The following ABLIM2 variants were observed in gnomAD, a reference collection of about 807,000 sequenced individuals.
ABLIM2 encodes the protein actin binding LIM protein family member 2, also known as actin-binding LIM protein 2.
A neutral mutation model predicts 97.7 loss-of-function variants in ABLIM2; 53 were observed. The ratio of observed to expected loss-of-function variants is 0.54; its 90% CI spans 0.44 to 0.68. The LOEUF is 0.68. Among genes scored for constraint, ABLIM2 ranks in the 30% least tolerant of loss-of-function variants. ABLIM2 has a pLI of 0.00. For synonymous variants in ABLIM2, 361 were observed against 345.8 expected (o/e 1.04, Z -0.49); for missense variants, 835 against 867.2 (o/e 0.96, Z 0.47).
At chr4:8,110,148 A>G (rs767806818) in intron 1 of ABLIM2, among the ~76,000 whole-genome samples, 1 of 152,262 alleles carries the variant, frequency 6.6e-6, no homozygotes, top group Non-Finnish European at 1.5e-5. Context: ...TGATGCACCC[A>G]GTCCACATCT....
rs138772322 is a variant in ABLIM2, at chr4:8,083,022, A to C, written c.455-2220T>G. Among the ~76,000 whole-genome samples the C allele has an allele frequency of 3.9e-3, 592 of 152,170 alleles. 3 individuals are homozygous for C. The highest frequency in any genetic ancestry group is 0.012 in the African/African-American group (519 of 41,522). The stretch of plus-strand genomic sequence containing the variant: ...GACCCTTTTGATTGTCATAACTTGG[A>C]GGGGGTTCCAGGCATCTAGTGGGCA... On this transcript the variant is annotated intron_variant, in intron 4 of 20. Coordinates refer to ENST00000447017, the MANE Select transcript of ABLIM2 (RefSeq NM_001130083.2). The surrounding 1 kb of genome is among the most constrained non-coding windows in gnomAD (Gnocchi z 4.6).
In ABLIM2 at chr4:8,139,161, C is replaced by T. The variant is rs183924590; in HGVS notation, c.10+19519G>A. Among the ~76,000 whole-genome samples, 347 of 150,694 alleles carry T rather than the reference C, an allele frequency of 2.3e-3. 1 individual carries two copies. Among genetic ancestry groups the T allele is most frequent in the Non-Finnish European group, 4.0e-3 (274 of 67,838 alleles). Reference sequence around the variant, plus strand: ...GCAGGGAGCCGAGATTGCACCATTACGCTCCAGCCTGGGCAACAACAGTGA... The same window carrying T: ...GCAGGGAGCCGAGATTGCACCATTATGCTCCAGCCTGGGCAACAACAGTGA... On this transcript the variant is annotated intron_variant, in intron 1 of 20. Transcript: ENST00000447017.
At chr4:8,018,659 A>G (rs548844569) in intron 14 of ABLIM2, among the ~76,000 whole-genome samples, 3 of 152,368 alleles carry the variant, frequency 2.0e-5, no homozygotes, top group African/African-American at 7.2e-5. Flanking sequence ...ATTTGTCAGC[A>G]AGTCACAGGA....
In ABLIM2 at chr4:8,075,947, C is replaced by T. The variant is rs1815731299; in HGVS notation, c.675+1681G>A. On this transcript the variant is annotated intron_variant, in intron 6 of 20. Transcript: ENST00000447017. This position sits in a 1 kb window ranked among gnomAD's most constrained non-coding sequence, Gnocchi z 4.4. ...GAAAGAAAAAACGAAAGAAAACTGG[C>T]CAGAAAGTTAGGCTAACTATGATTG... 6.6e-6 allele frequency among the ~76,000 whole-genome samples: 1 copy of T among 152,174 alleles called. No homozygotes were observed. Among genetic ancestry groups the T allele is most frequent in the Admixed American group, 6.5e-5 (1 of 15,270 alleles).
chr4:8,045,100 C>A (rs1204269254), intron 9 of ABLIM2, 64 bp downstream of exon 9: 3 of 1,484,934 alleles, frequency 2.0e-6, no homozygotes, highest in Admixed American at 1.7e-5. Flanking sequence ...TTAGCCACGG[C>A]CACCGGGCCC....
chr4:7,989,150 C>A (rs1746748703), intron 17 of ABLIM2, among the ~76,000 whole-genome samples: 1 of 143,156 alleles, frequency 7.0e-6, no homozygotes, highest in Non-Finnish European at 1.5e-5. Context: ...ACAACTTCAG[C>A]AGCTCACTGC....
Position 8,082,594 on chromosome 4 carries a change from T to C in ABLIM2, c.455-1792A>G, listed in dbSNP as rs1484717599. Among the ~76,000 whole-genome samples the C allele has an allele frequency of 6.6e-6, 1 of 152,196 alleles. No homozygotes were observed. Among genetic ancestry groups the C allele is most frequent in the Non-Finnish European group, 1.5e-5 (1 of 68,040 alleles). ...CAAAGCCGTTGGTCAAGCTCAGGAT[T>C]TCCTAAGTGACCACACTGTGCACAT... On this transcript the variant is annotated intron_variant, in intron 4 of 20. Coordinates refer to ENST00000447017, the MANE Select transcript of ABLIM2 (RefSeq NM_001130083.2). This position sits in a 1 kb window ranked among gnomAD's most constrained non-coding sequence, Gnocchi z 5.6.
At chr4:7,981,234 C>T (rs6824006) in intron 20 of ABLIM2, among the ~76,000 whole-genome samples, 25,751 of 151,862 alleles carry the variant, frequency 0.17, 2,737 homozygotes, top group East Asian at 0.5. Flanking sequence ...TGAGCCACCA[C>T]GCCCAGTGCA....
Position 7,999,618 on chromosome 4 carries a change from C to A in ABLIM2, c.1619-6691G>T, listed in dbSNP as rs1190748776. ...GTTTGCAGGCATGTGGGGTCTAATG[C>A]ATGTCAGATGGAAGCAGACAGCCTT... On this transcript the variant is annotated intron_variant, in intron 16 of 20. Coordinates refer to ENST00000447017, the MANE Select transcript of ABLIM2 (RefSeq NM_001130083.2). This position sits in a 1 kb window ranked among gnomAD's most constrained non-coding sequence, Gnocchi z 4.4. 1.3e-5 allele frequency among the ~76,000 whole-genome samples: 2 copies of A among 152,164 alleles called. No individual in the cohort carries two copies. The highest frequency in any genetic ancestry group is 2.9e-5 in the Non-Finnish European group (2 of 68,034).
Position 7,970,227 on chromosome 4 carries a change from C to T in ABLIM2, c.1825-3124G>A, listed in dbSNP as rs574360745. Among the ~76,000 whole-genome samples, 73 of 152,192 alleles carry T rather than the reference C, an allele frequency of 4.8e-4. No individual in the cohort carries two copies. Among genetic ancestry groups the T allele is most frequent in the African/African-American group, 1.7e-3 (72 of 41,532 alleles). On this transcript the variant is annotated intron_variant, in intron 20 of 20. Transcript: ENST00000447017. The surrounding 1 kb of genome is among the most constrained non-coding windows in gnomAD (Gnocchi z 5.3). ...AAGTAAATATGTAAAGGAGGGGAGG[C>T]TGACACCGGAAGGGCGAGGAGAGTT...
rs1395711332 is a variant in ABLIM2 at position 8,004,008 on chromosome 4, C to T, written c.1618+4051G>A. On this transcript the variant is annotated intron_variant, in intron 16 of 20. Transcript: ENST00000447017. The surrounding 1 kb of genome is among the most constrained non-coding windows in gnomAD (Gnocchi z 5.9). ...GTCAGGGAGGCTCTTCCTTCGACCA[C>T]GGACTAAGGAACGCGAGAAGAACTC... 3.9e-5 allele frequency among the ~76,000 whole-genome samples: 6 copies of T among 152,228 alleles called. No homozygotes were observed. The highest frequency in any genetic ancestry group is 1.2e-4 in the African/African-American group (5 of 41,546).
In ABLIM2 at chr4:8,022,910, T is replaced by TTCCTCCTCCACTTTTTCCTCTTCC; in HGVS notation, c.1268-2631_1268-2608dup. 6.5e-6 allele frequency: 1 copy of TTCCTCCTCCACTTTTTCCTCTTCC among 153,824 alleles called. No individual in the cohort carries two copies. The highest frequency in any genetic ancestry group is 6.5e-5 in the Admixed American group (1 of 15,300). 9.5% of individuals were successfully genotyped at this position (153,824 alleles called of 1,614,324 possible). ...TCGAAAAGTCTTCCTTCTCCTCTTC[T>TTCCTCCTCCACTTTTTCCTCTTCC]TCCTCCTCCACTTTTTCCTCTTCCT... On this transcript the variant is annotated intron_variant, in intron 12 of 20. Transcript: ENST00000447017. This position sits in a 1 kb window ranked among gnomAD's most constrained non-coding sequence, Gnocchi z 7.8.
chr4:8,021,046 G>A lies in ABLIM2; in HGVS notation c.1268-743C>T, dbSNP rs1773341652. Among the ~76,000 whole-genome samples the A allele has an allele frequency of 6.6e-6, 1 of 151,636 alleles. No homozygotes were observed. Among genetic ancestry groups the A allele is most frequent in the East Asian group, 1.9e-4 (1 of 5,158 alleles). ...TAATTTTTTTAATTTTGTAAAGATG[G>A]GGTTTTGCCACGTTGCCCTGGCTGG... On this transcript the variant is annotated intron_variant, in intron 12 of 20. Transcript: ENST00000447017. The surrounding 1 kb of genome is among the most constrained non-coding windows in gnomAD (Gnocchi z 5.5).
rs747164854 is a variant in ABLIM2 at position 7,966,958 on chromosome 4, C to T, written c.*32G>A. 6.8e-5 allele frequency: 107 copies of T among 1,584,976 alleles called. No individual in the cohort carries two copies. Among genetic ancestry groups the T allele is most frequent in the Non-Finnish European group, 7.4e-5 (86 of 1,157,948 alleles). On this transcript the variant is annotated 3_prime_UTR_variant, in exon 21 of 21. Transcript: ENST00000447017. ...GCCAGGGGCCCCTGGCCTCGGCGCCCGGCACACACCAGTGGGGCAGGCTGG... is the reference window on the plus strand; with the variant it reads ...GCCAGGGGCCCCTGGCCTCGGCGCCTGGCACACACCAGTGGGGCAGGCTGG...
chr4:8,073,539 G>A (rs1370727179), intron 6 of ABLIM2, among the ~76,000 whole-genome samples: 1 of 152,026 alleles, frequency 6.6e-6, no homozygotes, highest in East Asian at 1.9e-4. Flanking sequence ...CTGAGCAAGG[G>A]GAGGGGTGAG....
intron 3 of ABLIM2, among the ~76,000 whole-genome samples, chr4:8,090,396 A>G (rs1179332196): frequency 6.6e-6 from 1 of 152,178 alleles, no homozygotes; most frequent in Non-Finnish European, 1.5e-5. Context: ...GTATTCATAC[A>G]TTCATTCGCC....
In ABLIM2 at chr4:8,071,654, G is replaced by A. The variant is rs902086747; in HGVS notation, c.675+5974C>T. ...GCAAAACGGGGGTGGGGGAACAGGT[G>A]GCTCCGAGGTCTCACACCTGACTGC... On this transcript the variant is annotated intron_variant, in intron 6 of 20. Coordinates refer to ENST00000447017, the MANE Select transcript of ABLIM2 (RefSeq NM_001130083.2). The surrounding 1 kb of genome is among the most constrained non-coding windows in gnomAD (Gnocchi z 6.2). 8 of 938,952 alleles carry A rather than the reference G, an allele frequency of 8.5e-6. No individual in the cohort carries two copies. Among genetic ancestry groups the A allele is most frequent in the Non-Finnish European group, 1.0e-5 (8 of 787,050 alleles). The allele number at this position is 938,952 out of a possible 1,614,324, so 58.2% of individuals were successfully genotyped here.
At chr4:8,009,131 C>T in intron 14 of ABLIM2, 29 bp from the exon 15 acceptor site, 3 of 1,613,730 alleles carry the variant, frequency 1.9e-6, no homozygotes, top group Non-Finnish European at 1.7e-6. Context: ...TTTGTAAAGG[C>T]CACACACCAT....
intron 9 of ABLIM2, among the ~76,000 whole-genome samples, chr4:8,039,878 T>TTTG (rs1787081900): frequency 7.1e-6 from 1 of 140,356 alleles, no homozygotes; most frequent in Non-Finnish European, 1.5e-5. Flanking sequence ...ATTACTGTTT[T>TTTG]TTTTTTTTTT....
Sources: gnomAD v4.1 joint callset for allele counts (sites outside exome capture counted in the v4.1 genomes callset) on GRCh38, gnomAD v4.1.1 for gene constraint, Gnocchi (gnomAD v3.1) non-coding constraint, MANE v1.5 for transcripts, NCBI Gene and HGNC (gene_info 2026-07-23, HGNC 2026-07-21) for gene names.